NID1: variants seen among roughly 807,000 people sequenced by gnomAD.
The protein encoded by NID1 is nidogen 1.
A neutral mutation model predicts 130.6 loss-of-function variants in NID1; 76 were observed. The ratio of observed to expected loss-of-function variants is 0.58; its 90% confidence interval spans 0.48 to 0.70. The LOEUF (loss-of-function observed/expected upper bound fraction) is 0.70. Among genes scored for constraint, NID1 ranks in the 30% least tolerant of loss-of-function variants. The probability of loss-of-function intolerance (pLI) is 0.00; values close to 1 mark genes in which losing one functional copy is unlikely to be tolerated. For missense variants in NID1, 1,517 were observed against 1,664.8 expected, an observed-to-expected ratio of 0.91 and a Z score of 1.54; for synonymous variants, 665 against 675.1, an observed-to-expected ratio of 0.98 and a Z score of 0.23.
chr1:236,042,189 C>T lies in NID1; in HGVS notation c.856G>A (p.Gly286Arg), dbSNP rs1659473556. ...TCATCCTCATCATCATACTCTGCCC[C>T]ATCTTCAGTTCCGAGGATCACGTCT... ...PADVILGTED[G>R]AEYDDEDEDY... The change falls in exon 4 of 20, where the codon GGG (glycine) becomes AGG (arginine). Residue 286 changes from glycine to arginine, a missense_variant. Physicochemically the swap from Gly to Arg is moderately radical, Grantham distance 125 (BLOSUM62 -2). This residue lies in a region of NID1 where 1,329 missense variants were observed against 1,429.2 expected (regional missense o/e 0.93). Coordinates refer to ENST00000264187, the MANE Select transcript of NID1 (RefSeq NM_002508.3). The T allele has an allele frequency of 8.7e-6, 14 of 1,613,968 alleles. No individual in the cohort carries two copies. Among genetic ancestry groups the T allele is most frequent in the Non-Finnish European group, 1.2e-5 (14 of 1,180,036 alleles).
At position 235,979,992 on chromosome 1, in the gene NID1, C is replaced by A. The variant is rs1041112063; in HGVS notation, c.3386-47G>T. On this transcript the variant is annotated intron_variant, in intron 17 of 19. Coordinates refer to ENST00000264187, the MANE Select transcript of NID1 (RefSeq NM_002508.3). The surrounding 1 kb of genome is among the most constrained non-coding windows in gnomAD (Gnocchi z 4.6). ...CATTCATTGTTCACACAAGAAATGG[C>A]CCCTTTGTGCAAAAAAAACAAGAGT... is the stretch of plus-strand genomic sequence containing the variant. 1.2e-5 allele frequency: 19 copies of A among 1,595,374 alleles called. No homozygotes were observed. The highest frequency in any genetic ancestry group is 1.5e-5 in the Non-Finnish European group (18 of 1,171,814).
intron 13 of NID1, among the ~76,000 whole-genome samples, chr1:235,992,001 C>T (rs561665220): frequency 6.6e-6 from 1 of 152,274 alleles, no homozygotes; most frequent in South Asian, 2.1e-4. Context: ...CTGACCTCAA[C>T]CCCTCGCCGG....
intron 2 of NID1, among the ~76,000 whole-genome samples, chr1:236,047,367 C>T (rs1341817530): frequency 2.0e-5 from 3 of 152,122 alleles, no homozygotes; most frequent in Admixed American, 6.5e-5. Flanking sequence ...TTTCTTTCTT[C>T]CTCATTTTCC....
intron 5 of NID1, among the ~76,000 whole-genome samples, chr1:236,034,127 A>G (rs1181102211): frequency 2.0e-5 from 3 of 152,170 alleles, no homozygotes; most frequent in African/African-American, 7.2e-5. Flanking sequence ...ATTTAACTAG[A>G]AAAAGGCATG....
intron 1 of NID1, among the ~76,000 whole-genome samples, chr1:236,049,446 C>T (rs1659700801): frequency 6.6e-6 from 1 of 152,050 alleles, no homozygotes; most frequent in African/African-American, 2.4e-5. Context: ...CGCCAGTGCA[C>T]TCCAGCCTGG....
chr1:236,018,435 G>A (rs1438607344), intron 9 of NID1, among the ~76,000 whole-genome samples: 1 of 152,236 alleles, frequency 6.6e-6, no homozygotes, highest in Non-Finnish European at 1.5e-5. Flanking sequence ...CCCAGCCATG[G>A]TGATGAATTT....
intron 12 of NID1, 47 bp downstream of exon 12, chr1:236,011,874 A>G (rs1377054158): frequency 6.2e-7 from 1 of 1,607,938 alleles, no homozygotes; most frequent in Non-Finnish European, 8.5e-7. Context: ...CTCTGCATTC[A>G]TGGACAGGGC....
chr1:236,025,841 T>G, intron 8 of NID1, 55 bp downstream of exon 8: 1 of 1,576,064 alleles, frequency 6.3e-7, no homozygotes, highest in Non-Finnish European at 8.6e-7. Context: ...TGTCAAAGAG[T>G]GGGGTTTTAA....
In NID1 at chr1:235,979,293, A is replaced by C. The variant is rs1357173016; in HGVS notation, c.3510-186T>G. 1.3e-5 allele frequency among the ~76,000 whole-genome samples: 2 copies of C among 152,114 alleles called. No individual in the cohort carries two copies. The highest frequency in any genetic ancestry group is 2.9e-5 in the Non-Finnish European group (2 of 68,020). Reference sequence around the variant, plus strand: ...AGCCTGCATTTCTCTGGCTTTTTACAAAAGGGTAAAGACCAGTTAGCTCTC... The same window carrying C: ...AGCCTGCATTTCTCTGGCTTTTTACCAAAGGGTAAAGACCAGTTAGCTCTC... On this transcript the variant is annotated intron_variant, in intron 18 of 19. Coordinates refer to ENST00000264187, the MANE Select transcript of NID1 (RefSeq NM_002508.3). This position sits in a 1 kb window ranked among gnomAD's most constrained non-coding sequence, Gnocchi z 4.6.
chr1:235,978,571 T>C (rs1318650982), intron 19 of NID1, among the ~76,000 whole-genome samples: 1 of 152,194 alleles, frequency 6.6e-6, no homozygotes, highest in Non-Finnish European at 1.5e-5. Flanking sequence ...AAATACAAAG[T>C]ATTTAGAACT....
Position 236,042,241 on chromosome 1 carries a change from T to A in NID1, c.804A>T (p.Pro268=), listed in dbSNP as rs771722665. The A allele has an allele frequency of 1.6e-5, 26 of 1,610,118 alleles. No homozygotes were observed. The Admixed American group carries it at 4.0e-4, about 25-fold the overall frequency. The change falls in exon 4 of 20, where the codon CCA becomes CCT. Residue 268 remains proline, a synonymous_variant. Coordinates refer to ENST00000264187, the MANE Select transcript of NID1 (RefSeq NM_002508.3). ...QGVWVFEIGS[P]ATTNGVVPAD... is the part of the protein sequence containing the mutation. ...CAGGCACCACGCCATTGGTGGTGGC[T>A]GGACTCCCAATCTCAAACACCCAGA...
chr1:235,979,850 T>G lies in NID1; in HGVS notation c.3481A>C (p.Lys1161Gln), dbSNP rs117142664. ...TTCCAGTCTGTGAAATACAGATTCTTCCCGTAGCTCGTCACAGCAAAAGGA... is the reference window on the plus strand; with the variant it reads ...TTCCAGTCTGTGAAATACAGATTCTGCCCGTAGCTCGTCACAGCAAAAGGA... ...QYPFAVTSYG[K>Q]NLYFTDWKMN... The change falls in exon 18 of 20, where the codon AAG becomes CAG. Residue 1161 changes from lysine to glutamine, a missense_variant. Around this residue, in one of 3 missense-constraint regions of NID1, gnomAD observed 181 missense variants for 211.3 expected, o/e 0.86. Transcript: ENST00000264187. The surrounding 1 kb of genome is among the most constrained non-coding windows in gnomAD (Gnocchi z 4.6). 1.6e-4 allele frequency: 260 copies of G among 1,614,114 alleles called. 1 individual carries two copies. The East Asian group carries it at 5.1e-3, about 32-fold the overall frequency.
chr1:236,012,220 C>T (rs985171520), intron 11 of NID1, among the ~76,000 whole-genome samples, 177 bp from the exon 12 acceptor site: 6 of 152,170 alleles, frequency 3.9e-5, no homozygotes, highest in Non-Finnish European at 5.9e-5. Flanking sequence ...ATCTATCTGT[C>T]GTACTTGCAA....
chr1:236,056,339 T>G (rs1659898206), intron 1 of NID1, among the ~76,000 whole-genome samples: 1 of 152,172 alleles, frequency 6.6e-6, no homozygotes, highest in Non-Finnish European at 1.5e-5. Flanking sequence ...ACTTTATTAT[T>G]TTATTTGTAT....
chr1:236,003,161 G>A (rs9726906), intron 12 of NID1, among the ~76,000 whole-genome samples: 29,316 of 118,008 alleles, frequency 0.25, 4,804 homozygotes, highest in Non-Finnish European at 0.29. Context: ...GTGAACGACT[G>A]GTAGTTGTCA....
At chr1:236,059,279 A>G (rs1424486443) in intron 1 of NID1, among the ~76,000 whole-genome samples, 1 of 152,188 alleles carries the variant, frequency 6.6e-6, no homozygotes, top group Non-Finnish European at 1.5e-5. Flanking sequence ...GGGTAGCTAC[A>G]AAAAGCTGGA....
At chr1:235,987,764 G>T (rs138891465) in intron 14 of NID1, among the ~76,000 whole-genome samples, 100 of 152,298 alleles carry the variant, frequency 6.6e-4, no homozygotes, top group African/African-American at 2.4e-3. Context: ...AGGGTCTCAG[G>T]ACCAAGGAAG....
At chr1:235,994,649 G>T (rs1291139986) in intron 12 of NID1, among the ~76,000 whole-genome samples, 1 of 149,552 alleles carries the variant, frequency 6.7e-6, no homozygotes, top group Non-Finnish European at 1.5e-5. Context: ...AAATTTTTTT[G>T]TTTGTTTTTT....
chr1:236,016,614 T>C (rs1405686804), intron 10 of NID1, among the ~76,000 whole-genome samples: 1 of 152,186 alleles, frequency 6.6e-6, no homozygotes, highest in Non-Finnish European at 1.5e-5. Flanking sequence ...AAGAGCATAA[T>C]TAACCTAATT....
Sources: allele counts gnomAD v4.1 joint callset (sites outside exome capture counted in the v4.1 genomes callset), GRCh38; gene constraint gnomAD v4.1.1; regional missense constraint gnomAD v4.1.1; non-coding constraint Gnocchi (gnomAD v3.1); transcripts MANE v1.5; gene names NCBI Gene and HGNC (gene_info 2026-07-23, HGNC 2026-07-21).